VPS13B: variants seen among roughly 807,000 people sequenced by gnomAD.
The protein encoded by VPS13B is intermembrane lipid transfer protein VPS13B.
Under a neutral mutation model 426.4 loss-of-function variants are expected in VPS13B, and 285 were observed. The ratio of observed to expected loss-of-function variants is 0.67; its 90% CI spans 0.61 to 0.74. The LOEUF (loss-of-function observed/expected upper bound fraction) is 0.74. VPS13B is among the 30% of genes least tolerant of loss of function. The pLI, the probability that VPS13B is intolerant of heterozygous loss-of-function variation, is 0.00. For synonymous variants in VPS13B, 1,676 were observed against 1,676.4 expected (o/e 1.00, Z 0.01); for missense variants, 4,537 against 4,782.6 (o/e 0.95, Z 1.51).
rs556831401 is a variant in VPS13B at position 99,577,441 on chromosome 8, C to T, written c.5077-49C>T. 4.4e-6 allele frequency: 7 copies of T among 1,608,914 alleles called. No homozygotes were observed. In the South Asian group the frequency reaches 6.6e-5, roughly 15 times the overall value. On this transcript the variant is annotated intron_variant, in intron 32 of 61. Coordinates refer to ENST00000357162, the MANE Select transcript of VPS13B (RefSeq NM_152564.5). ...ATAAGTAAGAATGATAAATTATCAT[C>T]TGAAAGCTATCATGTTTCTTTATCT... is the stretch of plus-strand genomic sequence containing the variant.
chr8:99,782,519 A>G (rs1045094443), intron 42 of VPS13B, among the ~76,000 whole-genome samples: 3 of 151,866 alleles, frequency 2.0e-5, no homozygotes, highest in Non-Finnish European at 2.9e-5. Context: ...CTTAAAACCA[A>G]CCTTAAAACA....
chr8:99,180,630 C>T (rs1267566064), intron 16 of VPS13B, among the ~76,000 whole-genome samples: 2 of 152,128 alleles, frequency 1.3e-5, no homozygotes, highest in Non-Finnish European at 2.9e-5. Context: ...CAGTCAATGG[C>T]AGCCATACAA....
chr8:99,346,103 G>A (rs1811522336), intron 19 of VPS13B: 1 of 152,272 alleles, frequency 6.6e-6, no homozygotes, highest in South Asian at 2.1e-4. Context: ...CTGCCAACAT[G>A]GAACCATTGA....
chr8:99,153,637 A>G (rs2132616005), intron 14 of VPS13B, among the ~76,000 whole-genome samples: 1 of 152,274 alleles, frequency 6.6e-6, no homozygotes, highest in South Asian at 2.1e-4. Context: ...AATTCATTTT[A>G]TTTTTATATA....
intron 19 of VPS13B, among the ~76,000 whole-genome samples, chr8:99,379,266 G>T (rs887709964): frequency 1.3e-5 from 2 of 152,172 alleles, no homozygotes; most frequent in Admixed American, 6.5e-5. Context: ...ACTGGGGATT[G>T]TTGGTCTTCA....
chr8:99,396,674 C>T (rs539137962), intron 21 of VPS13B, among the ~76,000 whole-genome samples: 56 of 152,000 alleles, frequency 3.7e-4, no homozygotes, highest in Non-Finnish European at 6.0e-4. Context: ...TGTCCCGTGG[C>T]ACTAAGATAG....
At chr8:99,198,127 C>T (rs1026412897) in intron 17 of VPS13B, among the ~76,000 whole-genome samples, 1 of 152,102 alleles carries the variant, frequency 6.6e-6, no homozygotes, top group Non-Finnish European at 1.5e-5. Flanking sequence ...TATTGCCAAT[C>T]TTGTGGCCGT....
At chr8:99,578,937 C>T (rs1428005704) in intron 33 of VPS13B, among the ~76,000 whole-genome samples, 3 of 152,126 alleles carry the variant, frequency 2.0e-5, no homozygotes, top group African/African-American at 7.2e-5. Context: ...TACTAACTAT[C>T]CTTCCCTGAA....
chr8:99,857,952 A>C (rs976603270), intron 56 of VPS13B, among the ~76,000 whole-genome samples: 1 of 152,210 alleles, frequency 6.6e-6, no homozygotes, highest in Non-Finnish European at 1.5e-5. Context: ...GGAGGGCTCA[A>C]AATTTAAGAG....
At position 99,191,624 on chromosome 8, in the gene VPS13B, C is replaced by T. The variant is rs575043353; in HGVS notation, c.2334-1252C>T. On this transcript the variant is annotated intron_variant, in intron 16 of 61. Transcript: ENST00000357162. ...GTCTCGAACTCCTGACCTTGTGATCCGCCCGCCTCGGCCTCCCAGAGTGCT... is the reference window on the plus strand; with the variant it reads ...GTCTCGAACTCCTGACCTTGTGATCTGCCCGCCTCGGCCTCCCAGAGTGCT... Among the ~76,000 whole-genome samples, 139 of 151,878 alleles carry T rather than the reference C, an allele frequency of 9.2e-4. 2 individuals carry two copies. The highest frequency in any genetic ancestry group is 1.5e-3 in the South Asian group (7 of 4,808).
chr8:99,690,467 TG>T (rs1305412228), intron 35 of VPS13B, among the ~76,000 whole-genome samples: 2 of 152,202 alleles, frequency 1.3e-5, no homozygotes, highest in Non-Finnish European at 2.9e-5. Flanking sequence ...AAAATTAAAC[TG>T]TTTTGTGCTG....
intron 19 of VPS13B, among the ~76,000 whole-genome samples, chr8:99,280,937 A>G (rs780047076): frequency 3.3e-5 from 5 of 151,890 alleles, no homozygotes; most frequent in African/African-American, 4.8e-5. Context: ...TACCCTTTCT[A>G]TTCAATCCTT....
chr8:99,868,211 AAC>A, intron 58 of VPS13B, 76 bp from the exon 59 acceptor site: 1 of 1,588,152 alleles, frequency 6.3e-7, no homozygotes, highest in African/African-American at 1.3e-5. Context: ...ATCCAGATAA[AAC>A]TGTGTTCCAG....
At chr8:99,690,824 C>T (rs1334753900) in intron 35 of VPS13B, among the ~76,000 whole-genome samples, 1 of 152,122 alleles carries the variant, frequency 6.6e-6, no homozygotes, top group East Asian at 1.9e-4. Context: ...CCTTCACGCT[C>T]ACTAGGATAA....
intron 19 of VPS13B, among the ~76,000 whole-genome samples, chr8:99,312,769 A>T (rs1481368927): frequency 2.0e-5 from 3 of 152,146 alleles, no homozygotes; most frequent in Admixed American, 2.0e-4. Flanking sequence ...TTGTTTTCTG[A>T]CTTGGTTCCA....
At chr8:99,214,338 TA>T (rs1191475100) in intron 17 of VPS13B, among the ~76,000 whole-genome samples, 1 of 152,226 alleles carries the variant, frequency 6.6e-6, no homozygotes, top group East Asian at 1.9e-4. Flanking sequence ...AGAAAAAATT[TA>T]TCCACTGCAT....
intron 35 of VPS13B, among the ~76,000 whole-genome samples, chr8:99,673,773 C>CTA (rs974018598): frequency 4.4e-4 from 67 of 152,018 alleles, no homozygotes; most frequent in African/African-American, 1.5e-3. Context: ...ACTGCTTTTG[C>CTA]TATATCCTTT....
At chr8:99,869,250 G>GC (rs1817266374) in intron 59 of VPS13B, among the ~76,000 whole-genome samples, 1 of 152,142 alleles carries the variant, frequency 6.6e-6, no homozygotes, top group South Asian at 2.1e-4. Flanking sequence ...CGACAGAAGC[G>GC]CCCTCCCGTT....
intron 23 of VPS13B, among the ~76,000 whole-genome samples, chr8:99,448,845 AT>A (rs990850617): frequency 6.6e-6 from 1 of 152,014 alleles, no homozygotes; most frequent in African/African-American, 2.4e-5. Context: ...TTTCATTGTC[AT>A]TTTGTTGGTT....
Sources: allele counts gnomAD v4.1 joint callset (sites outside exome capture counted in the v4.1 genomes callset), GRCh38; gene constraint gnomAD v4.1.1; transcripts MANE v1.5; gene names NCBI Gene and HGNC (gene_info 2026-07-23, HGNC 2026-07-21).